Variants in EFCAB5 observed in about 807,000 individuals in gnomAD.
The protein encoded by EFCAB5 is EF-hand calcium-binding domain-containing protein 5.
A neutral mutation model predicts 167.9 loss-of-function variants in EFCAB5; 131 were observed. That is an observed-to-expected ratio of 0.78 (90% CI 0.68 to 0.90). The LOEUF (loss-of-function observed/expected upper bound fraction) is 0.90, where lower values mean the gene tolerates loss of function less well. EFCAB5 is among the 40% of genes least tolerant of loss of function. The pLI is 0.00. For synonymous variants in EFCAB5, 574 were observed against 602.8 expected, an observed-to-expected ratio of 0.95 and a Z score of 0.70; for missense variants, 1,663 against 1,745.2, an observed-to-expected ratio of 0.95 and a Z score of 0.84.
chr17:30,091,998 T>C lies in EFCAB5; in HGVS notation c.4065T>C (p.His1355=). The change falls in exon 21 of 23, where the codon CAT becomes CAC. Residue 1355 remains histidine (H), a synonymous_variant. Transcript: ENST00000394835. ...MEFVSLLLYD[H]TLVTEPNSPQ... is the part of the protein sequence containing the mutation. ...TTGTGTCACTGTTGCTCTATGACCA[T>C]ACTCTTGTAACAGAGCCAAATTCTC... The C allele has an allele frequency of 6.2e-7, 1 of 1,613,962 alleles. No homozygotes were observed. The highest frequency in any genetic ancestry group is 8.5e-7 in the Non-Finnish European group (1 of 1,179,852).
At chr17:30,033,697 G>A (rs369137778) in intron 7 of EFCAB5, among the ~76,000 whole-genome samples, 4 of 152,218 alleles carry the variant, frequency 2.6e-5, no homozygotes, top group East Asian at 1.9e-4. Context: ...AGAAATGGCC[G>A]AAGAGTATAG....
intron 3 of EFCAB5, among the ~76,000 whole-genome samples, chr17:29,949,091 C>T (rs895831848): frequency 2.0e-5 from 3 of 152,164 alleles, no homozygotes. Flanking sequence ...CAGCCAGACC[C>T]ACTAATGTTA....
chr17:30,023,227 T>A, intron 7 of EFCAB5, among the ~76,000 whole-genome samples: 1 of 151,928 alleles, frequency 6.6e-6, no homozygotes, highest in Non-Finnish European at 1.5e-5. Flanking sequence ...CTTCAAAAAA[T>A]TAATGAATCC....
At chr17:30,053,145 G>T in intron 9 of EFCAB5, 110 bp from the exon 10 acceptor site, 2 of 1,225,136 alleles carry the variant, frequency 1.6e-6, no homozygotes, top group Non-Finnish European at 2.3e-6. Context: ...AGAGCAATAG[G>T]CCTATATTAC....
At chr17:30,033,046 A>G (rs947570590) in intron 7 of EFCAB5, among the ~76,000 whole-genome samples, 7 of 151,936 alleles carry the variant, frequency 4.6e-5, no homozygotes, top group African/African-American at 1.5e-4. Context: ...TGCGTGAGGC[A>G]GGGGAGGAAA....
At chr17:29,970,867 G>C (rs1465775522) in intron 4 of EFCAB5, among the ~76,000 whole-genome samples, 1 of 152,116 alleles carries the variant, frequency 6.6e-6, no homozygotes, top group Non-Finnish European at 1.5e-5. Context: ...CTGAGGTCAG[G>C]AGTTCAAGAC....
chr17:30,008,643 G>A (rs1341739992), intron 7 of EFCAB5, among the ~76,000 whole-genome samples: 2 of 151,752 alleles, frequency 1.3e-5, no homozygotes, highest in Non-Finnish European at 2.9e-5. Flanking sequence ...AAGTTAATAG[G>A]ACTCTCTTAA....
intron 22 of EFCAB5, among the ~76,000 whole-genome samples, chr17:30,098,559 G>C (rs1433995774): frequency 6.6e-6 from 1 of 151,098 alleles, no homozygotes; most frequent in Non-Finnish European, 1.5e-5. Context: ...AAACTCCTGG[G>C]CTTAAGCTGT....
chr17:30,064,487 T>C (rs936355435), intron 14 of EFCAB5, among the ~76,000 whole-genome samples: 36 of 151,764 alleles, frequency 2.4e-4, no homozygotes, highest in Non-Finnish European at 1.3e-4. Context: ...AAAAAAGAAA[T>C]AAGAATGAAA....
At chr17:30,046,693 C>T (rs891232967) in intron 8 of EFCAB5, among the ~76,000 whole-genome samples, 6 of 152,206 alleles carry the variant, frequency 3.9e-5, no homozygotes, top group African/African-American at 1.2e-4. Context: ...CAAATCTTCC[C>T]AAGCTTTCCT....
intron 9 of EFCAB5, among the ~76,000 whole-genome samples, chr17:30,052,540 G>A (rs1435439444): frequency 6.6e-6 from 1 of 152,152 alleles, no homozygotes; most frequent in Admixed American, 6.5e-5. Context: ...TGATATACTT[G>A]GAGTATTTCT....
intron 13 of EFCAB5, 110 bp downstream of exon 13, chr17:30,058,000 G>A (rs940966704): frequency 5.4e-6 from 5 of 922,436 alleles, no homozygotes; most frequent in Non-Finnish European, 8.0e-6. Flanking sequence ...CAACCAAACT[G>A]ATCACTTTCT....
chr17:30,016,658 A>G (rs2069049338), intron 7 of EFCAB5, among the ~76,000 whole-genome samples: 1 of 152,180 alleles, frequency 6.6e-6, no homozygotes, highest in African/African-American at 2.4e-5. Flanking sequence ...ATGACATGGT[A>G]TATTCTTTTC....
intron 14 of EFCAB5, among the ~76,000 whole-genome samples, chr17:30,077,268 C>T (rs1404285038): frequency 1.3e-5 from 2 of 152,112 alleles, no homozygotes; most frequent in African/African-American, 4.8e-5. Context: ...TGCCACTACA[C>T]TCCAGCTTGG....
At chr17:30,073,065 T>A (rs1037967107) in intron 14 of EFCAB5, 43 of 635,394 alleles carry the variant, frequency 6.8e-5, no homozygotes, top group Non-Finnish European at 1.1e-4. Flanking sequence ...ACCTTTATTT[T>A]TTTTTTTTTG....
At position 30,044,872 on chromosome 17, in the gene EFCAB5, T is replaced by C. The variant is rs988238877; in HGVS notation, c.1201-6246T>C. On this transcript the variant is annotated intron_variant, in intron 8 of 22. Coordinates refer to ENST00000394835, the MANE Select transcript of EFCAB5 (RefSeq NM_198529.4). ...TACATGACTGTTCTTAGCAGCCTCA[T>C]TCATAATAGCTTTAAGTTGGAGACA... Among the ~76,000 whole-genome samples, 3 of 152,298 alleles carry C rather than the reference T, an allele frequency of 2.0e-5. No individual in the cohort carries two copies. In the South Asian group the frequency reaches 6.2e-4, roughly 32 times the overall value.
At chr17:29,986,636 C>CTTTTTTT (rs1196821046) in intron 4 of EFCAB5, among the ~76,000 whole-genome samples, 25 of 87,940 alleles carry the variant, frequency 2.8e-4, no homozygotes, top group African/African-American at 8.8e-4. Flanking sequence ...GGAGTATATT[C>CTTTTTTT]ATTTTTTTTT....
intron 14 of EFCAB5, among the ~76,000 whole-genome samples, chr17:30,061,150 T>C (rs2070414617): frequency 6.6e-6 from 1 of 152,140 alleles, no homozygotes; most frequent in Non-Finnish European, 1.5e-5. Flanking sequence ...AGGACAGCAA[T>C]GAGGAGGCAG....
chr17:30,085,734 A>AG (rs1476931659), intron 18 of EFCAB5, among the ~76,000 whole-genome samples: 1 of 151,798 alleles, frequency 6.6e-6, no homozygotes, highest in African/African-American at 2.4e-5. Context: ...AAAAAAAAAA[A>AG]AAAAGAAAAG....
Sources: gnomAD v4.1 joint callset for allele counts (sites outside exome capture counted in the v4.1 genomes callset) on GRCh38, gnomAD v4.1.1 for gene constraint, MANE v1.5 for transcripts, NCBI Gene and HGNC (gene_info 2026-07-23, HGNC 2026-07-21) for gene names.